Variants in SLC5A4 observed in about 807,000 individuals in gnomAD.
The protein encoded by SLC5A4 is probable glucose sensor protein SLC5A4.
Under a neutral mutation model 70.3 loss-of-function variants are expected in SLC5A4, and 55 were observed. The ratio of observed to expected loss-of-function variants is 0.78; its 90% CI spans 0.63 to 0.98. The LOEUF (loss-of-function observed/expected upper bound fraction) is 0.98. SLC5A4 is among the 50% of genes least tolerant of loss of function. SLC5A4 has a pLI of 0.00. For synonymous variants in SLC5A4, 268 were observed against 305.7 expected, an observed-to-expected ratio of 0.88 and a Z score of 1.29; for missense variants, 735 against 839.2, an observed-to-expected ratio of 0.88 and a Z score of 1.53.
chr22:32,220,276 C>T (rs1339981085), intron 14 of SLC5A4, among the ~76,000 whole-genome samples: 1 of 152,098 alleles, frequency 6.6e-6, no homozygotes, highest in Non-Finnish European at 1.5e-5. Flanking sequence ...TCAAAAGGAA[C>T]AGAAAGCACT....
chr22:32,318,396 T>C, the SLC5A4 span, among the ~76,000 whole-genome samples: 8 of 152,084 alleles, frequency 5.3e-5, no homozygotes, highest in African/African-American at 1.9e-4. Flanking sequence ...AAACTTAATA[T>C]ATCCCAAACG....
chr22:32,231,353 C>G (rs1925752168), intron 9 of SLC5A4, among the ~76,000 whole-genome samples: 1 of 152,226 alleles, frequency 6.6e-6, no homozygotes, highest in African/African-American at 2.4e-5. Flanking sequence ...AGGGAGTGGA[C>G]CCCATCCTCT....
chr22:32,337,166 G>A, the SLC5A4 span, among the ~76,000 whole-genome samples: 13 of 152,202 alleles, frequency 8.5e-5, no homozygotes, highest in Admixed American at 1.3e-4. Context: ...GGCCTCCCAG[G>A]ACCACCTTGC....
At chr22:32,233,411 G>A (rs1310868500) in intron 8 of SLC5A4, among the ~76,000 whole-genome samples, 1 of 152,152 alleles carries the variant, frequency 6.6e-6, no homozygotes, top group Admixed American at 6.6e-5. Context: ...CACTTCCTGA[G>A]GCCTAGCTTA....
At chr22:32,232,783 G>C (rs1925834613) in intron 9 of SLC5A4, 116 bp downstream of exon 9, 3 of 1,338,838 alleles carry the variant, frequency 2.2e-6, no homozygotes, top group Non-Finnish European at 3.1e-6. Flanking sequence ...CCTCCACCTG[G>C]AAGTCTGCTT....
intron 8 of SLC5A4, among the ~76,000 whole-genome samples, chr22:32,234,591 T>C (rs1373645729): frequency 6.6e-6 from 1 of 151,884 alleles, no homozygotes; most frequent in Admixed American, 6.6e-5. Context: ...CCCAGCTACA[T>C]GGGAGGCTGA....
At chr22:32,286,032 A>G in the SLC5A4 span, among the ~76,000 whole-genome samples, 42,781 of 151,888 alleles carry the variant, frequency 0.28, 6,042 homozygotes, top group African/African-American at 0.32. Context: ...CACCGCTCCC[A>G]GGCCTTATTT....
At chr22:32,347,326 A>G in the SLC5A4 span, among the ~76,000 whole-genome samples, 1 of 152,130 alleles carries the variant, frequency 6.6e-6, no homozygotes, top group Admixed American at 6.5e-5. Flanking sequence ...AACTAGAAAT[A>G]CCATTTGACC....
At chr22:32,284,600 G>C in the SLC5A4 span, 1 of 152,302 alleles carries the variant, frequency 6.6e-6, no homozygotes, top group South Asian at 2.1e-4. Context: ...TGGTGACTGA[G>C]TTCTAAGAAG....
At chr22:32,324,357 AC>A in the SLC5A4 span, among the ~76,000 whole-genome samples, 5 of 151,920 alleles carry the variant, frequency 3.3e-5, no homozygotes, top group African/African-American at 7.3e-5. Flanking sequence ...TTTAAAAAAA[AC>A]ATTCTACTTA....
At chr22:32,248,200 G>T (rs994498627) in intron 4 of SLC5A4, among the ~76,000 whole-genome samples, 3 of 152,192 alleles carry the variant, frequency 2.0e-5, no homozygotes, top group African/African-American at 4.8e-5. Flanking sequence ...GTGAATAAAT[G>T]AATGCCTGAC....
the SLC5A4 span, among the ~76,000 whole-genome samples, chr22:32,292,299 G>C: frequency 7.7e-6 from 1 of 130,258 alleles, no homozygotes; most frequent in East Asian, 2.1e-4. Context: ...ATATATACTA[G>C]ATATTATATA....
chr22:32,272,430 C>T, the SLC5A4 span: 1 of 862,232 alleles, frequency 1.2e-6, no homozygotes, highest in Non-Finnish European at 1.9e-6. Flanking sequence ...ACAGGCAGCT[C>T]TACATCCACC....
intron 11 of SLC5A4, among the ~76,000 whole-genome samples, chr22:32,228,339 G>A (rs1925526787): frequency 6.7e-6 from 1 of 149,766 alleles, no homozygotes. Context: ...TCAGGAGTTT[G>A]AGACCAGCCC....
chr22:32,318,161 ACCT>A, the SLC5A4 span, among the ~76,000 whole-genome samples: 1 of 148,126 alleles, frequency 6.8e-6, no homozygotes, highest in Non-Finnish European at 1.5e-5. Flanking sequence ...CATCTTCCTG[ACCT>A]CCTCTTCACT....
At chr22:32,318,501 C>G in the SLC5A4 span, among the ~76,000 whole-genome samples, 1 of 152,302 alleles carries the variant, frequency 6.6e-6, no homozygotes, top group East Asian at 1.9e-4. Context: ...TCCTCAGAGG[C>G]CTGGAGTCAT....
the SLC5A4 span, among the ~76,000 whole-genome samples, chr22:32,336,833 A>C: frequency 1.3e-5 from 2 of 152,246 alleles, no homozygotes; most frequent in African/African-American, 4.8e-5. Flanking sequence ...GAGTTCCTTA[A>C]GGGCAGGGGC....
At chr22:32,230,942 C>A in intron 10 of SLC5A4, 26 bp downstream of exon 10, 1 of 1,432,508 alleles carries the variant, frequency 7.0e-7, no homozygotes, top group South Asian at 1.1e-5. Flanking sequence ...GCCTCTGGGG[C>A]TGTCCCAGCA....
the SLC5A4 span, among the ~76,000 whole-genome samples, chr22:32,278,394 T>C: frequency 6.6e-6 from 1 of 152,242 alleles, no homozygotes; most frequent in African/African-American, 2.4e-5. Flanking sequence ...CTCATAAAGA[T>C]GTAAGCAAGG....
Sources: allele counts gnomAD v4.1 joint callset (sites outside exome capture counted in the v4.1 genomes callset), GRCh38; gene constraint gnomAD v4.1.1; transcripts MANE v1.5; gene names NCBI Gene and HGNC (gene_info 2026-07-23, HGNC 2026-07-21).